Variants in YIF1B observed in about 807,000 individuals in gnomAD.
YIF1B encodes the protein protein YIF1B.
A neutral mutation model predicts 34.6 loss-of-function variants in YIF1B; 24 were observed. The ratio of observed to expected loss-of-function variants is 0.69; its 90% CI spans 0.50 to 0.98. YIF1B has a LOEUF of 0.98. Ranked by LOEUF, YIF1B falls within the 50% of genes least tolerant of loss-of-function variation. The pLI, the probability that YIF1B is intolerant of heterozygous loss-of-function variation, is 0.00. For synonymous variants in YIF1B, 186 were observed against 184.8 expected, an observed-to-expected ratio of 1.01 and a Z score of -0.05; for missense variants, 368 against 429.4, an observed-to-expected ratio of 0.86 and a Z score of 1.26.
At chr19:38,316,123 G>A (rs1969543119), upstream of YIF1B, among the ~76,000 whole-genome samples, 1 of 152,030 alleles carries the variant, frequency 6.6e-6, no homozygotes, top group Non-Finnish European at 1.5e-5. Context: ...TGGGCTACTG[G>A]GCTCATGCAG....
upstream of YIF1B, among the ~76,000 whole-genome samples, chr19:38,316,850 A>G (rs3885340): frequency 0.024 from 3,648 of 152,232 alleles, 61 homozygotes; most frequent in South Asian, 0.045. Context: ...TTGTCAAAAC[A>G]GGATCTTGCT....
upstream of YIF1B, among the ~76,000 whole-genome samples, chr19:38,321,122 C>T (rs1352309384): frequency 6.6e-6 from 1 of 152,216 alleles, no homozygotes; most frequent in African/African-American, 2.4e-5. Flanking sequence ...TCTCAACCTC[C>T]TCCTGACCCT....
upstream of YIF1B, chr19:38,319,834 G>A (rs1480193219): frequency 7.8e-6 from 8 of 1,027,172 alleles, no homozygotes; most frequent in Admixed American, 1.3e-4. Flanking sequence ...CTTCCTCTTG[G>A]GGCATCTGCT....
intron 5 of YIF1B, among the ~76,000 whole-genome samples, chr19:38,308,130 G>A (rs1969143061): frequency 1.3e-5 from 2 of 152,232 alleles, no homozygotes; most frequent in South Asian, 4.1e-4. Context: ...TGTGTTCAGT[G>A]CCATAAAGGA....
At chr19:38,306,229 A>G (rs935442130) in intron 7 of YIF1B, among the ~76,000 whole-genome samples, 259 of 150,204 alleles carry the variant, frequency 1.7e-3, no homozygotes, top group Non-Finnish European at 2.9e-3. Context: ...AAAAAAAAAA[A>G]AAGTCAGGGT....
In YIF1B at chr19:38,304,252, T is replaced by A. The variant is rs1377799296; in HGVS notation, c.*1100A>T. On this transcript the variant is annotated 3_prime_UTR_variant, in exon 8 of 8. Transcript: ENST00000339413. ...GCCCTTGGCCTTAGGACCCAACTTC[T>A]CTTACCGCCATGGAGTTCGACCTGG... 1 of 1,613,540 alleles carries A rather than the reference T, an allele frequency of 6.2e-7. No individual in the cohort carries two copies. The highest frequency in any genetic ancestry group is 8.5e-7 in the Non-Finnish European group (1 of 1,180,010).
Position 38,309,572 on chromosome 19 carries a change from A to T in YIF1B, c.130T>A (p.Ser44Thr). ...GCCCCATAGCCCCGGCTCTGGGCTG[A>T]ACTTGTGTCATCGAAAAGCTGGTGG... ...DPHQLFDDTSSAQSRGYGAQR... is the reference protein window; with the variant it reads ...DPHQLFDDTSTAQSRGYGAQR... The change falls in exon 2 of 8, where the codon TCA (serine) becomes ACA (threonine). Residue 44 changes from serine (S) to threonine (T), a missense_variant. By Grantham distance (58) the Ser-to-Thr change is moderately conservative (BLOSUM62 1). This residue lies in a region of YIF1B where 153 missense variants were observed against 156.7 expected (regional missense o/e 0.98). Coordinates refer to ENST00000339413, the MANE Select transcript of YIF1B (RefSeq NM_001039672.3). The T allele has an allele frequency of 6.3e-7, 1 of 1,599,286 alleles. No individual in the cohort carries two copies.
intron 1 of YIF1B, 166 bp from the exon 2 acceptor site, chr19:38,309,809 C>T (rs1399213324): frequency 2.0e-5 from 29 of 1,432,094 alleles, no homozygotes; most frequent in Non-Finnish European, 2.6e-5. Flanking sequence ...CAAGCTCTGC[C>T]ATTCATCCAC....
intron 1 of YIF1B, among the ~76,000 whole-genome samples, chr19:38,311,834 T>C (rs569882079): frequency 4.6e-4 from 70 of 152,202 alleles, no homozygotes; most frequent in African/African-American, 1.3e-3. Context: ...CGCAGTGGCT[T>C]ACGCCTGTAA....
chr19:38,314,775 G>A (rs566100342), intron 1 of YIF1B, among the ~76,000 whole-genome samples: 5 of 151,370 alleles, frequency 3.3e-5, no homozygotes, highest in South Asian at 2.1e-4. Context: ...CACCACACCC[G>A]GCTAATTTTG....
intron 1 of YIF1B, chr19:38,315,489 T>C (rs1409056270): frequency 2.9e-6 from 4 of 1,394,532 alleles, no homozygotes; most frequent in Non-Finnish European, 2.8e-6. Context: ...AAATGAGCGG[T>C]AGGCATGGCC....
chr19:38,320,290 C>A (rs750280781), upstream of YIF1B: 1 of 1,603,640 alleles, frequency 6.2e-7, no homozygotes, highest in East Asian at 2.2e-5. Flanking sequence ...AGCGCCTCAC[C>A]GCAAGGCGGC....
At chr19:38,319,139 G>T (rs986530426), upstream of YIF1B, among the ~76,000 whole-genome samples, 1 of 151,682 alleles carries the variant, frequency 6.6e-6, no homozygotes, top group Non-Finnish European at 1.5e-5. Context: ...TTTTTTTAGA[G>T]ATAGGGTCTC....
upstream of YIF1B, among the ~76,000 whole-genome samples, chr19:38,316,464 C>G (rs1227283144): frequency 1.3e-5 from 2 of 152,052 alleles, no homozygotes; most frequent in African/African-American, 4.8e-5. Flanking sequence ...GCCTGGGCAA[C>G]AGCGAGATCT....
chr19:38,311,660 G>A (rs1969330937), intron 1 of YIF1B, among the ~76,000 whole-genome samples: 1 of 152,228 alleles, frequency 6.6e-6, no homozygotes, highest in South Asian at 2.1e-4. Flanking sequence ...GGGCAGGGAA[G>A]GGAGAGAGGC....
At chr19:38,310,850 C>T (rs1435322823) in intron 1 of YIF1B, among the ~76,000 whole-genome samples, 1 of 152,132 alleles carries the variant, frequency 6.6e-6, no homozygotes, top group African/African-American at 2.4e-5. Context: ...CCTTCCCCAG[C>T]CATCCTGTCT....
upstream of YIF1B, among the ~76,000 whole-genome samples, chr19:38,317,824 C>T (rs972793601): frequency 3.3e-5 from 5 of 151,292 alleles, no homozygotes; most frequent in Non-Finnish European, 7.4e-5. Context: ...AGGTGATCCA[C>T]CTGCCTTGGC....
At chr19:38,312,342 G>A (rs1453457427) in intron 1 of YIF1B, among the ~76,000 whole-genome samples, 1 of 151,838 alleles carries the variant, frequency 6.6e-6, no homozygotes, top group Admixed American at 6.6e-5. Flanking sequence ...GCTTGAACCT[G>A]GGATGTCAAG....
rs779719295 is a variant in YIF1B, at chr19:38,309,559, C to T, written c.143G>A (p.Arg48Gln). The part of the protein sequence containing the change: ...LFDDTSSAQS[R>Q]GYGAQRAPGG... ...AGGTGCCCGCTGGGCCCCATAGCCC[C>T]GGCTCTGGGCTGAACTTGTGTCATC... The change falls in exon 2 of 8, where the codon CGG (arginine) becomes CAG (glutamine). Residue 48 changes from arginine to glutamine, a missense_variant. Arg to Gln is a conservative substitution (Grantham distance 43). This residue lies in a region of YIF1B where 153 missense variants were observed against 156.7 expected (regional missense o/e 0.98). Coordinates refer to ENST00000339413, the MANE Select transcript of YIF1B (RefSeq NM_001039672.3). 14 of 1,599,670 alleles carry T rather than the reference C, an allele frequency of 8.8e-6. No individual in the cohort carries two copies. Among genetic ancestry groups the T allele is most frequent in the Admixed American group, 7.1e-5 (4 of 56,674 alleles).
Sources: gnomAD v4.1 joint callset for allele counts (sites outside exome capture counted in the v4.1 genomes callset) on GRCh38, gnomAD v4.1.1 for gene constraint, gnomAD v4.1.1 regional missense constraint, MANE v1.5 for transcripts, NCBI Gene and HGNC (gene_info 2026-07-23, HGNC 2026-07-21) for gene names.